The following KEL variants were observed in gnomAD, a reference collection of about 807,000 sequenced individuals.
The protein encoded by KEL is kell blood group glycoprotein.
A neutral mutation model predicts 99.5 loss-of-function variants in KEL; 96 were observed. The ratio of observed to expected loss-of-function variants is 0.97; its 90% CI spans 0.82 to 1.14. The LOEUF is 1.14. KEL is among the 50% of genes most tolerant of loss of function. The pLI is 0.00. For missense variants in KEL, 926 were observed against 924.2 expected (o/e 1.00, Z -0.03); for synonymous variants, 355 against 354.8 (o/e 1.00, Z -0.01).
intron 10 of KEL, 81 bp downstream of exon 10, chr7:142,952,428 G>A (rs1482510416): frequency 6.4e-7 from 1 of 1,568,006 alleles, no homozygotes; most frequent in African/African-American, 1.4e-5. Context: ...CTCCCTGAGA[G>A]AGAGATGCCG....
At chr7:142,946,467 A>G in intron 10 of KEL, 150 bp from the exon 11 acceptor site, 1 of 692,428 alleles carries the variant, frequency 1.4e-6, no homozygotes, top group Non-Finnish European at 2.6e-6. Context: ...AGGGTGATGC[A>G]CATCACCGAT....
intron 12 of KEL, 89 bp downstream of exon 12, chr7:142,944,554 T>C: frequency 7.9e-7 from 1 of 1,263,092 alleles, no homozygotes; most frequent in Non-Finnish European, 1.2e-6. Context: ...GGGGGGGCCT[T>C]TGGCATTTGC....
intron 6 of KEL, 107 bp downstream of exon 6, chr7:142,957,720 C>G: frequency 7.2e-7 from 1 of 1,386,888 alleles, no homozygotes; most frequent in South Asian, 1.2e-5. Flanking sequence ...TTTCCTATAT[C>G]ACACAGGTGT....
At chr7:142,950,970 T>G (rs1250085913) in intron 10 of KEL, among the ~76,000 whole-genome samples, 1 of 152,178 alleles carries the variant, frequency 6.6e-6, no homozygotes, top group Non-Finnish European at 1.5e-5. Context: ...AACCTCCAAG[T>G]GTTTCTGGAA....
rs369127636 is a variant in KEL, at chr7:142,961,084, A to G, written c.244T>C (p.Cys82Arg). Residue 82 changes from cysteine (C) to arginine (R), a missense_variant, in exon 4 of 19, where the codon TGT (cysteine) becomes CGT (arginine). Transcript: ENST00000355265. Reference protein sequence around the residue: ...CGPRPCETSVCLDLRDHYLAS... With the variant: ...CGPRPCETSVRLDLRDHYLAS... Reference sequence around the variant, plus strand: ...AGGTAATGATCCCGGAGATCCAAACACACAGATGTCTCACAGGGGCCTGTG... The same window carrying G: ...AGGTAATGATCCCGGAGATCCAAACGCACAGATGTCTCACAGGGGCCTGTG... The G allele has an allele frequency of 1.4e-5, 23 of 1,613,938 alleles. No individual in the cohort carries two copies. Among genetic ancestry groups the G allele is most frequent in the Non-Finnish European group, 1.9e-5 (22 of 1,180,054 alleles).
At position 142,943,471 on chromosome 7, in the gene KEL, C is replaced by T; in HGVS notation, c.1703+15G>A. On this transcript the variant is annotated intron_variant, in intron 15 of 18. Coordinates refer to ENST00000355265, the MANE Select transcript of KEL (RefSeq NM_000420.3). ...TTGGGAAACTCCCTACCTACCCTTA[C>T]AGAGTGACCCATACCTGGGATAGCC... 1 of 1,610,116 alleles carries T rather than the reference C, an allele frequency of 6.2e-7. No individual in the cohort carries two copies. Among genetic ancestry groups the T allele is most frequent in the African/African-American group, 1.3e-5 (1 of 74,998 alleles).
chr7:142,954,238 C>G lies in KEL; in HGVS notation c.870G>C (p.Glu290Asp). The change falls in exon 8 of 19, where the codon GAG becomes GAC. Residue 290 changes from glutamate (E) to aspartate (D), a missense_variant. Glu to Asp is a conservative substitution (Grantham distance 45). Coordinates refer to ENST00000355265, the MANE Select transcript of KEL (RefSeq NM_000420.3). ...AGAGCTTGCCCTGTGCCCGCCGCTG[C>G]TCCAGGGGCCTCAGAAACTGGAACA... ...SRLFQFLRPL[E>D]QRRAQGKLFQ... The G allele has an allele frequency of 6.2e-7, 1 of 1,613,852 alleles. No individual in the cohort carries two copies. The highest frequency in any genetic ancestry group is 8.5e-7 in the Non-Finnish European group (1 of 1,180,004).
At chr7:142,962,148 C>A in intron 1 of KEL, 56 bp downstream of exon 1, 1 of 1,613,850 alleles carries the variant, frequency 6.2e-7, no homozygotes, top group African/African-American at 1.3e-5. Context: ...AGGACTTTTG[C>A]ACACAGCCAC....
intron 4 of KEL, 124 bp from the exon 5 acceptor site, chr7:142,958,552 T>A: frequency 1.2e-6 from 1 of 845,484 alleles, no homozygotes; most frequent in Non-Finnish European, 1.9e-6. Context: ...GGGTTTTATT[T>A]AACCCATGTA....
In KEL at chr7:142,953,930, C is replaced by A; in HGVS notation, c.951G>T (p.Leu317Phe). Residue 317 changes from leucine (L) to phenylalanine (F), a missense_variant, in exon 9 of 19, where the codon TTG (leucine) becomes TTT (phenylalanine). Transcript: ENST00000355265. ...LKEMAPAIDW[L>F]SCLQATFTPM... ...GTGTGAATGTCGCTTGCAAGCAGGA[C>A]AACCAGTCGATGGCGGGGGCCATTT... The A allele has an allele frequency of 6.2e-7, 1 of 1,614,092 alleles. No individual in the cohort carries two copies. The highest frequency in any genetic ancestry group is 8.5e-7 in the Non-Finnish European group (1 of 1,180,012).
intron 6 of KEL, among the ~76,000 whole-genome samples, chr7:142,957,359 T>C (rs1796851078): frequency 6.6e-6 from 1 of 152,214 alleles, no homozygotes; most frequent in Non-Finnish European, 1.5e-5. Context: ...GAGAAGTGTG[T>C]AGGGGTCAGA....
intron 10 of KEL, among the ~76,000 whole-genome samples, chr7:142,950,304 C>T (rs1453363475): frequency 2.6e-5 from 4 of 152,206 alleles, no homozygotes; most frequent in Non-Finnish European, 5.9e-5. Flanking sequence ...TCCCTCCCCA[C>T]TATTGTCCTA....
chr7:142,955,310 C>T (rs1221055908), intron 6 of KEL, among the ~76,000 whole-genome samples: 3 of 151,966 alleles, frequency 2.0e-5, no homozygotes, highest in Admixed American at 6.6e-5. Context: ...TACTTTTAGT[C>T]AATTTTGAAA....
At chr7:142,949,228 C>T (rs916341170) in intron 10 of KEL, among the ~76,000 whole-genome samples, 1 of 152,182 alleles carries the variant, frequency 6.6e-6, no homozygotes, top group East Asian at 1.9e-4. Context: ...TAAGGCACTA[C>T]CCCACTCTGT....
intron 10 of KEL, 146 bp downstream of exon 10, chr7:142,952,363 T>C (rs1032920320): frequency 2.9e-6 from 3 of 1,035,344 alleles, no homozygotes; most frequent in African/African-American, 3.1e-5. Flanking sequence ...TCTGTCCAAC[T>C]TGCCTGCTTC....
At chr7:142,945,038 TG>T (rs1204380383) in intron 11 of KEL, 4 of 481,982 alleles carry the variant, frequency 8.3e-6, no homozygotes, top group African/African-American at 7.8e-5. Flanking sequence ...TCCTCACTCC[TG>T]GGGGCAGGAA....
At chr7:142,946,145 G>A (rs1796518396) in intron 11 of KEL, 62 bp downstream of exon 11, 5 of 1,193,064 alleles carry the variant, frequency 4.2e-6, no homozygotes, top group Non-Finnish European at 5.0e-6. Flanking sequence ...TAATAGAAGA[G>A]GGAAGGCTGC....
intron 9 of KEL, 134 bp from the exon 10 acceptor site, chr7:142,952,772 C>A: frequency 2.4e-5 from 25 of 1,029,352 alleles, no homozygotes; most frequent in Non-Finnish European, 3.6e-5. Context: ...AGTGTTTTAA[C>A]ATGCACCCAA....
intron 6 of KEL, among the ~76,000 whole-genome samples, chr7:142,956,789 T>C (rs1469370853): frequency 6.6e-6 from 1 of 152,270 alleles, no homozygotes; most frequent in Non-Finnish European, 1.5e-5. Flanking sequence ...GTTAAACTCC[T>C]GAGCAGACTG....
Sources: gnomAD v4.1 joint callset for allele counts (sites outside exome capture counted in the v4.1 genomes callset) on GRCh38, gnomAD v4.1.1 for gene constraint, MANE v1.5 for transcripts, NCBI Gene and HGNC (gene_info 2026-07-23, HGNC 2026-07-21) for gene names.